MSRA: variants seen among roughly 807,000 people sequenced by gnomAD.
The protein encoded by MSRA is methionine sulfoxide reductase A.
In MSRA, 54 loss-of-function variants were observed where a neutral mutation model predicts 31.3. The ratio of observed to expected loss-of-function variants is 1.73; its 90% CI spans 1.39 to 2.17. The LOEUF (loss-of-function observed/expected upper bound fraction) is 2.17. Among genes scored for constraint, MSRA ranks in the 30% most tolerant of loss-of-function variants. MSRA has a pLI of 0.00. For missense variants in MSRA, 507 were observed against 300.9 expected, an observed-to-expected ratio of 1.69 and a Z score of -5.07; for synonymous variants, 169 against 116.5, an observed-to-expected ratio of 1.45 and a Z score of -2.90.
intron 5 of MSRA, among the ~76,000 whole-genome samples, chr8:10,419,640 A>C (rs1470471657): frequency 6.6e-6 from 1 of 152,170 alleles, no homozygotes. Flanking sequence ...TTAAAACGCA[A>C]ATGCTGCTTT....
At chr8:10,120,758 A>G (rs567757672) in intron 1 of MSRA, among the ~76,000 whole-genome samples, 14 of 152,198 alleles carry the variant, frequency 9.2e-5, no homozygotes, top group Non-Finnish European at 1.5e-4. Flanking sequence ...TTGCAGACTC[A>G]CTGTGTTAAT....
chr8:10,334,292 A>T (rs929365243), intron 5 of MSRA, among the ~76,000 whole-genome samples: 1 of 152,148 alleles, frequency 6.6e-6, no homozygotes, highest in Non-Finnish European at 1.5e-5. Context: ...AACATTTTAA[A>T]CACAGCATTT....
At chr8:10,180,286 A>G (rs1028326557) in intron 1 of MSRA, among the ~76,000 whole-genome samples, 1 of 152,300 alleles carries the variant, frequency 6.6e-6, no homozygotes, top group African/African-American at 2.4e-5. Context: ...GACCAACCCA[A>G]TGGAAGAGGT....
At chr8:10,347,193 G>C (rs140588793) in intron 5 of MSRA, among the ~76,000 whole-genome samples, 2 of 152,216 alleles carry the variant, frequency 1.3e-5, no homozygotes, top group African/African-American at 2.4e-5. Context: ...ATCTTCCCTA[G>C]TCCCTTGCAC....
chr8:10,391,076 A>C (rs1806715182), intron 5 of MSRA, among the ~76,000 whole-genome samples: 1 of 152,218 alleles, frequency 6.6e-6, no homozygotes, highest in Non-Finnish European at 1.5e-5. Flanking sequence ...ACTTCAAAAA[A>C]GTAAAAAGAG....
At chr8:10,251,696 C>T (rs553244744) in intron 3 of MSRA, among the ~76,000 whole-genome samples, 13 of 152,270 alleles carry the variant, frequency 8.5e-5, no homozygotes, top group African/African-American at 3.1e-4. Flanking sequence ...CACCCACATC[C>T]AAGCAGCTAT....
chr8:10,224,050 A>T (rs1179777043), intron 2 of MSRA, among the ~76,000 whole-genome samples: 1 of 152,180 alleles, frequency 6.6e-6, no homozygotes, highest in Non-Finnish European at 1.5e-5. Flanking sequence ...CATTTGTTCA[A>T]TGGAGATAGT....
At chr8:10,143,538 C>T (rs1328410985) in intron 1 of MSRA, among the ~76,000 whole-genome samples, 6 of 152,124 alleles carry the variant, frequency 3.9e-5, no homozygotes, top group Admixed American at 3.3e-4. Flanking sequence ...CAGTTCTCAT[C>T]GACAATGGCA....
At chr8:10,285,178 A>G (rs763868590) in intron 3 of MSRA, among the ~76,000 whole-genome samples, 1 of 152,138 alleles carries the variant, frequency 6.6e-6, no homozygotes, top group Non-Finnish European at 1.5e-5. Context: ...TGTAAAACCA[A>G]AACTCTGTGA....
chr8:10,054,748 G>T (rs1015430165), intron 1 of MSRA, 90 bp downstream of exon 1: 7 of 1,317,244 alleles, frequency 5.3e-6, no homozygotes, highest in Non-Finnish European at 6.8e-6. Context: ...CCGGAAGGAA[G>T]CCGTGGGCTG....
At chr8:10,403,888 C>T (rs1807625621) in intron 5 of MSRA, among the ~76,000 whole-genome samples, 3 of 152,110 alleles carry the variant, frequency 2.0e-5, no homozygotes, top group Admixed American at 2.0e-4. Flanking sequence ...GGGATGAGAC[C>T]GCACCACTCA....
chr8:10,378,186 C>T (rs1203170148), intron 5 of MSRA, among the ~76,000 whole-genome samples: 1 of 152,200 alleles, frequency 6.6e-6, no homozygotes, highest in African/African-American at 2.4e-5. Context: ...CACAGGCTGG[C>T]TGTGTGGCTT....
At chr8:10,296,552 C>A (rs546640083) in intron 3 of MSRA, among the ~76,000 whole-genome samples, 3 of 152,318 alleles carry the variant, frequency 2.0e-5, no homozygotes, top group Admixed American at 6.5e-5. Context: ...CTTGTGACTT[C>A]TATTCCAATT....
chr8:10,410,536 C>G (rs981266924), intron 5 of MSRA, among the ~76,000 whole-genome samples: 1 of 152,236 alleles, frequency 6.6e-6, no homozygotes, highest in African/African-American at 2.4e-5. Context: ...GATTTCACCT[C>G]TTCCTCAAAA....
At chr8:10,221,156 A>G (rs561279970) in intron 2 of MSRA, among the ~76,000 whole-genome samples, 10 of 152,290 alleles carry the variant, frequency 6.6e-5, no homozygotes, top group Middle Eastern at 6.8e-3. Flanking sequence ...TCCCGAGCAA[A>G]TAGCCAGTGC....
intron 1 of MSRA, among the ~76,000 whole-genome samples, chr8:10,076,618 G>A (rs951963197): frequency 6.6e-6 from 1 of 152,060 alleles, no homozygotes; most frequent in African/African-American, 2.4e-5. Flanking sequence ...CTAGTTTATC[G>A]CAAGGGAATT....
intron 5 of MSRA, among the ~76,000 whole-genome samples, chr8:10,334,870 C>T (rs555325554): frequency 9.8e-5 from 15 of 152,370 alleles, no homozygotes; most frequent in African/African-American, 3.1e-4. Flanking sequence ...CCGCTCTGGC[C>T]GCTCCCGTCT....
At chr8:10,399,870 C>G (rs2129183386) in intron 5 of MSRA, among the ~76,000 whole-genome samples, 2 of 152,222 alleles carry the variant, frequency 1.3e-5, no homozygotes, top group Middle Eastern at 6.8e-3. Flanking sequence ...AGGACACCAG[C>G]TCTGCTTTAG....
chr8:10,212,467 T>C (rs979736439), intron 2 of MSRA, among the ~76,000 whole-genome samples: 1 of 152,174 alleles, frequency 6.6e-6, no homozygotes, highest in Non-Finnish European at 1.5e-5. Flanking sequence ...TGGAAAAAAT[T>C]GCAATGACAT....
Sources: allele counts gnomAD v4.1 joint callset (sites outside exome capture counted in the v4.1 genomes callset), GRCh38; gene constraint gnomAD v4.1.1; transcripts MANE v1.5; gene names NCBI Gene and HGNC (gene_info 2026-07-23, HGNC 2026-07-21).